GADL1: variants seen among roughly 807,000 people sequenced by gnomAD.
GADL1 encodes GAD like acidic amino acid decarboxylase 1.
Under a neutral mutation model 69.5 loss-of-function variants are expected in GADL1, and 71 were observed. That is an observed-to-expected ratio of 1.02 (90% CI 0.84 to 1.25). GADL1 has a LOEUF of 1.25. Ranked by LOEUF, GADL1 falls within the 50% of genes most tolerant of loss-of-function variation. GADL1 has a pLI of 0.00. For missense variants in GADL1, 737 were observed against 631.8 expected (o/e 1.17, Z -1.79); for synonymous variants, 254 against 214.4 (o/e 1.18, Z -1.62).
chr3:30,753,809 C>T (rs533153244), intron 14 of GADL1, among the ~76,000 whole-genome samples: 2 of 152,294 alleles, frequency 1.3e-5, no homozygotes, highest in South Asian at 4.1e-4. Context: ...TCATAAATTG[C>T]AAGAAAACAG....
intron 3 of GADL1, among the ~76,000 whole-genome samples, chr3:30,855,454 A>G (rs1450726748): frequency 6.6e-6 from 1 of 152,052 alleles, no homozygotes; most frequent in African/African-American, 2.4e-5. Context: ...GGCACTGAGC[A>G]GCCTTTTCAT....
intron 14 of GADL1, among the ~76,000 whole-genome samples, chr3:30,762,609 T>C (rs1230188447): frequency 7.2e-5 from 11 of 152,172 alleles, no homozygotes; most frequent in African/African-American, 1.4e-4. Context: ...CATTTATCTA[T>C]TGAGTTGCAA....
At chr3:30,754,467 C>T (rs139977332) in intron 14 of GADL1, among the ~76,000 whole-genome samples, 536 of 149,980 alleles carry the variant, frequency 3.6e-3, no homozygotes, top group Non-Finnish European at 4.0e-3. Flanking sequence ...ATAGGAATGC[C>T]AATGACGGAC....
chr3:30,884,147 C>G (rs72851494), intron 1 of GADL1, among the ~76,000 whole-genome samples: 8,082 of 151,952 alleles, frequency 0.053, 321 homozygotes, highest in African/African-American at 0.11. Context: ...GAGGACAACA[C>G]TTTCTACGGT....
Position 30,808,633 on chromosome 3 carries a change from A to G in GADL1, c.1051-7545T>C, listed in dbSNP as rs544119707. 2.0e-5 allele frequency among the ~76,000 whole-genome samples: 3 copies of G among 152,350 alleles called. No individual in the cohort carries two copies. In the East Asian group the frequency reaches 5.8e-4, roughly 29 times the overall value. On this transcript the variant is annotated intron_variant, in intron 11 of 14. Transcript: ENST00000282538. The stretch of plus-strand genomic sequence containing the variant: ...GCAGACTATTTGGATGTCATCTAAC[A>G]TACAGATTCTTACATTAGCCCACTA...
chr3:30,816,452 A>G (rs1436561342), intron 11 of GADL1, among the ~76,000 whole-genome samples: 2 of 147,874 alleles, frequency 1.4e-5, no homozygotes, highest in Non-Finnish European at 3.0e-5. Flanking sequence ...ATCGTTCCCT[A>G]GCCCCAGACA....
At chr3:30,894,317 T>C (rs1698824177) in intron 1 of GADL1, among the ~76,000 whole-genome samples, 1 of 152,206 alleles carries the variant, frequency 6.6e-6, no homozygotes, top group Admixed American at 6.5e-5. Context: ...AAAATCTCAA[T>C]ACGCATTTAT....
intron 8 of GADL1, among the ~76,000 whole-genome samples, chr3:30,840,823 T>A (rs1268243634): frequency 1.3e-5 from 2 of 152,234 alleles, no homozygotes; most frequent in Non-Finnish European, 2.9e-5. Context: ...TAATGAGAAT[T>A]CAGTAGAAAC....
chr3:30,816,476 A>G (rs532169020), intron 11 of GADL1, among the ~76,000 whole-genome samples: 4 of 135,230 alleles, frequency 3.0e-5, no homozygotes, highest in Non-Finnish European at 6.2e-5. Context: ...GGCACATGTC[A>G]TTGTCCAGAT....
chr3:30,784,898 C>A (rs1384231044), intron 13 of GADL1, among the ~76,000 whole-genome samples: 1 of 152,198 alleles, frequency 6.6e-6, no homozygotes, highest in East Asian at 1.9e-4. Flanking sequence ...CACTCCCCTT[C>A]ATTCAATACA....
intron 14 of GADL1, among the ~76,000 whole-genome samples, chr3:30,764,351 TTG>T (rs1696217160): frequency 6.6e-6 from 1 of 152,004 alleles, no homozygotes; most frequent in Admixed American, 6.6e-5. Flanking sequence ...CATGCAAAAT[TTG>T]TTAGATTACA....
chr3:30,782,901 G>T (rs1466133668), intron 13 of GADL1, among the ~76,000 whole-genome samples: 3 of 152,152 alleles, frequency 2.0e-5, no homozygotes, highest in Non-Finnish European at 2.9e-5. Flanking sequence ...ATGTGCTTTG[G>T]ATTTAGCAAT....
At chr3:30,840,623 T>C (rs1282991174) in intron 8 of GADL1, among the ~76,000 whole-genome samples, 2 of 152,220 alleles carry the variant, frequency 1.3e-5, no homozygotes, top group East Asian at 1.9e-4. Context: ...TTGTCTTTAA[T>C]GGTTGCGCTT....
intron 1 of GADL1, among the ~76,000 whole-genome samples, chr3:30,867,817 C>A (rs1435727025): frequency 6.6e-6 from 1 of 151,786 alleles, no homozygotes; most frequent in East Asian, 2.0e-4. Context: ...TGAATAACAG[C>A]AATAGAAGAT....
chr3:30,846,469 T>C (rs1354005922), intron 6 of GADL1, among the ~76,000 whole-genome samples: 1 of 152,166 alleles, frequency 6.6e-6, no homozygotes, highest in Non-Finnish European at 1.5e-5. Context: ...TGCTGCTTTC[T>C]CCTCAATGTA....
chr3:30,810,666 T>C (rs567203799), intron 11 of GADL1, among the ~76,000 whole-genome samples: 1 of 152,184 alleles, frequency 6.6e-6, no homozygotes, highest in East Asian at 1.9e-4. Flanking sequence ...GGAAAGGGCA[T>C]GTTTGTGCAG....
intron 9 of GADL1, among the ~76,000 whole-genome samples, chr3:30,838,531 A>AT (rs1697909553): frequency 6.6e-6 from 1 of 152,034 alleles, no homozygotes; most frequent in Non-Finnish European, 1.5e-5. Context: ...GCTTTTTTGC[A>AT]TTTTCCAGCT....
intron 14 of GADL1, among the ~76,000 whole-genome samples, chr3:30,747,863 A>G (rs976942674): frequency 3.3e-5 from 5 of 152,192 alleles, no homozygotes; most frequent in African/African-American, 1.2e-4. Context: ...CCAGAGAGTT[A>G]AAACGAGTCT....
At chr3:30,885,107 A>G (rs759622812) in intron 1 of GADL1, among the ~76,000 whole-genome samples, 1 of 152,108 alleles carries the variant, frequency 6.6e-6, no homozygotes, top group African/African-American at 2.4e-5. Context: ...AAGTATTTCC[A>G]GTCACTGATT....
Sources: allele counts gnomAD v4.1 joint callset (sites outside exome capture counted in the v4.1 genomes callset), GRCh38; gene constraint gnomAD v4.1.1; transcripts MANE v1.5; gene names NCBI Gene and HGNC (gene_info 2026-07-23, HGNC 2026-07-21).